Variants in PDS5A observed in about 807,000 individuals in gnomAD.
PDS5A encodes the protein sister chromatid cohesion protein PDS5 homolog A.
A neutral mutation model predicts 167.1 loss-of-function variants in PDS5A; 42 were observed. The observed-to-expected ratio is 0.25, with a 90% CI of 0.20 to 0.33. The LOEUF is 0.33. Ranked by LOEUF, PDS5A falls within the 10% of genes least tolerant of loss-of-function variation. The probability of loss-of-function intolerance (pLI) is 1.00; values close to 1 mark genes in which losing one functional copy is unlikely to be tolerated. For synonymous variants in PDS5A, 553 were observed against 554.6 expected (o/e 1.00, Z 0.04); for missense variants, 1,033 against 1,605.9 (o/e 0.64, Z 6.10).
chr4:39,866,714 C>T, intron 23 of PDS5A, 147 bp downstream of exon 23: 2 of 621,380 alleles, frequency 3.2e-6, no homozygotes, highest in Non-Finnish European at 5.2e-6. Context: ...TACTGACAGA[C>T]AGACAAACCC....
At chr4:39,947,229 G>A (rs1045345406) in intron 2 of PDS5A, among the ~76,000 whole-genome samples, 5 of 152,060 alleles carry the variant, frequency 3.3e-5, no homozygotes, top group African/African-American at 2.4e-5. Context: ...TGATGCTGGC[G>A]GACCACTTGA....
intron 2 of PDS5A, among the ~76,000 whole-genome samples, chr4:39,936,536 G>C (rs938164862): frequency 6.6e-6 from 1 of 152,160 alleles, no homozygotes; most frequent in Non-Finnish European, 1.5e-5. Context: ...CTGGGTTCAA[G>C]TGATTCTCAT....
At chr4:39,877,812 G>A (rs564418385) in intron 18 of PDS5A, among the ~76,000 whole-genome samples, 2 of 151,906 alleles carry the variant, frequency 1.3e-5, no homozygotes, top group Non-Finnish European at 2.9e-5. Flanking sequence ...TAGCTATGTT[G>A]CCCAGGCTGG....
intron 32 of PDS5A, among the ~76,000 whole-genome samples, chr4:39,832,238 G>C (rs556564647): frequency 6.6e-5 from 10 of 151,346 alleles, no homozygotes; most frequent in African/African-American, 2.4e-4. Flanking sequence ...TTTTGAGTTG[G>C]AGTCTCACTC....
At chr4:39,967,789 C>T in intron 2 of PDS5A, among the ~76,000 whole-genome samples, 1 of 151,924 alleles carries the variant, frequency 6.6e-6, no homozygotes, top group East Asian at 1.9e-4. Context: ...GAAACCCCGT[C>T]TCTAACTAAA....
intron 18 of PDS5A, among the ~76,000 whole-genome samples, chr4:39,878,900 C>T (rs1175764948): frequency 6.6e-6 from 1 of 152,046 alleles, no homozygotes; most frequent in African/African-American, 2.4e-5. Context: ...TGTGCCACCA[C>T]GTCTACCTAA....
intron 16 of PDS5A, 100 bp from the exon 17 acceptor site, chr4:39,890,464 G>C (rs1456253910): frequency 1.4e-6 from 1 of 693,160 alleles, no homozygotes; most frequent in Non-Finnish European, 2.5e-6. Context: ...CAGCATAAGT[G>C]GTTAAGAATT....
At chr4:39,922,790 AAAG>A in intron 5 of PDS5A, 42 bp from the exon 6 acceptor site, 1 of 1,371,766 alleles carries the variant, frequency 7.3e-7, no homozygotes. Flanking sequence ...AGGAGGAGGA[AAAG>A]AAGAGAATTC....
intron 32 of PDS5A, among the ~76,000 whole-genome samples, chr4:39,836,058 T>C (rs371635232): frequency 6.1e-4 from 93 of 152,220 alleles, no homozygotes; most frequent in African/African-American, 2.0e-3. Context: ...TTTAAAACAA[T>C]AGTAACAATA....
intron 5 of PDS5A, among the ~76,000 whole-genome samples, chr4:39,925,432 A>G (rs1390084361): frequency 6.6e-6 from 1 of 152,250 alleles, no homozygotes; most frequent in African/African-American, 2.4e-5. Flanking sequence ...CTAATGGTAC[A>G]TACAATATGC....
intron 2 of PDS5A, among the ~76,000 whole-genome samples, chr4:39,958,455 T>A (rs1729169489): frequency 7.0e-6 from 1 of 143,182 alleles, no homozygotes; most frequent in African/African-American, 2.6e-5. Context: ...TGCAGTGAGC[T>A]GAGATCTTGC....
At chr4:39,842,135 G>A in intron 30 of PDS5A, 79 bp from the exon 31 acceptor site, 1 of 891,362 alleles carries the variant, frequency 1.1e-6, no homozygotes, top group Non-Finnish European at 1.8e-6. Flanking sequence ...ATAAAGAAAG[G>A]CTTAGGCTGG....
At chr4:39,898,235 G>T in intron 16 of PDS5A, 154 bp downstream of exon 16, 1 of 1,299,684 alleles carries the variant, frequency 7.7e-7, no homozygotes, top group Non-Finnish European at 9.8e-7. Context: ...ATGGTAAATA[G>T]AGAATTAACT....
intron 32 of PDS5A, among the ~76,000 whole-genome samples, chr4:39,833,086 G>A (rs1434879040): frequency 6.7e-6 from 1 of 148,822 alleles, no homozygotes; most frequent in African/African-American, 2.5e-5. Flanking sequence ...AGATACTAGG[G>A]AGGCTGAGGC....
chr4:39,826,200 T>A (rs371299380), intron 32 of PDS5A, among the ~76,000 whole-genome samples: 4 of 138,196 alleles, frequency 2.9e-5, no homozygotes, highest in Non-Finnish European at 4.8e-5. Context: ...TTTTTTTTTT[T>A]AAACGCATTT....
chr4:39,940,284 G>C (rs143354490), intron 2 of PDS5A, among the ~76,000 whole-genome samples: 6 of 152,134 alleles, frequency 3.9e-5, no homozygotes, highest in African/African-American at 1.4e-4. Flanking sequence ...TAGTGAAAAT[G>C]TAAGAAAACC....
rs147497680 is a variant in PDS5A at position 39,886,650 on chromosome 4, C to T, written c.1886+3599G>A. Among the ~76,000 whole-genome samples, 829 of 151,684 alleles carry T rather than the reference C, an allele frequency of 5.5e-3. 7 individuals carry two copies. Among genetic ancestry groups the T allele is most frequent in the African/African-American group, 0.019 (788 of 41,382 alleles). On this transcript the variant is annotated intron_variant, in intron 17 of 32. Transcript: ENST00000303538. ...ATTGCTCGAACACAGGAGGTGGAGG[C>T]TGTGGTGAGCCAAGATCGCGCCATT...
chr4:39,888,779 AGAAGCTGGGAAGGGTGAGAAAGG>A (rs987959901), intron 17 of PDS5A, among the ~76,000 whole-genome samples: 19 of 152,184 alleles, frequency 1.2e-4, no homozygotes, highest in Admixed American at 3.9e-4. Flanking sequence ...GGTAGTTACA[AGAAGCTGGGAAGGGTGAGAAAGG>A]CGGAATGAAG....
chr4:39,922,975 A>G (rs1725126939), intron 5 of PDS5A, among the ~76,000 whole-genome samples: 2 of 152,244 alleles, frequency 1.3e-5, no homozygotes, highest in South Asian at 4.1e-4. Flanking sequence ...ATTTTATAAA[A>G]ACAAAGACAA....
Sources: gnomAD v4.1 joint callset for allele counts (sites outside exome capture counted in the v4.1 genomes callset) on GRCh38, gnomAD v4.1.1 for gene constraint, MANE v1.5 for transcripts, NCBI Gene and HGNC (gene_info 2026-07-23, HGNC 2026-07-21) for gene names.